Variants in COL23A1 observed in about 807,000 individuals in gnomAD.
COL23A1 encodes collagen type XXIII alpha 1 chain.
In COL23A1, 97 loss-of-function variants were observed where a neutral mutation model predicts 99.3. The ratio of observed to expected loss-of-function variants is 0.98; its 90% confidence interval spans 0.83 to 1.16. COL23A1 has a LOEUF of 1.16. COL23A1 is among the 50% of genes most tolerant of loss of function. The pLI, the probability that COL23A1 is intolerant of heterozygous loss-of-function variation, is 0.00. For missense variants in COL23A1, 762 were observed against 757.4 expected (o/e 1.01, Z -0.07); for synonymous variants, 320 against 308.2 (o/e 1.04, Z -0.40).
chr5:178,252,736 C>T, intron 16 of COL23A1, 139 bp from the exon 17 acceptor site: 1 of 680,776 alleles, frequency 1.5e-6, no homozygotes. Context: ...CTGCTTCTTC[C>T]CCAGTCAGGT....
chr5:178,245,863 C>T, intron 25 of COL23A1, 79 bp downstream of exon 25: 1 of 1,524,834 alleles, frequency 6.6e-7, no homozygotes, highest in Non-Finnish European at 9.1e-7. Context: ...ACTTGAGTAG[C>T]CAGATCAGGT....
intron 2 of COL23A1, among the ~76,000 whole-genome samples, chr5:178,528,716 A>T (rs745821364): frequency 2.0e-5 from 3 of 152,248 alleles, no homozygotes; most frequent in Non-Finnish European, 4.4e-5. Context: ...AGGTTGAGGC[A>T]GGAGAATTGC....
At chr5:178,425,950 C>T (rs754960342) in intron 2 of COL23A1, among the ~76,000 whole-genome samples, 46 of 152,208 alleles carry the variant, frequency 3.0e-4, no homozygotes, top group Non-Finnish European at 2.6e-4. Context: ...CCGGTGAACA[C>T]ACACCCAGAA....
intron 2 of COL23A1, among the ~76,000 whole-genome samples, chr5:178,369,949 C>T (rs1224829290): frequency 6.6e-6 from 1 of 152,164 alleles, no homozygotes; most frequent in Non-Finnish European, 1.5e-5. Context: ...AGGTTCCAGG[C>T]CCTTCTAGAT....
chr5:178,373,951 G>A (rs1762932617), intron 2 of COL23A1, among the ~76,000 whole-genome samples: 1 of 152,142 alleles, frequency 6.6e-6, no homozygotes, highest in Non-Finnish European at 1.5e-5. Flanking sequence ...AGGCACGAGT[G>A]GGGCCGGAGG....
chr5:178,520,562 T>C (rs1360744899), intron 2 of COL23A1, among the ~76,000 whole-genome samples: 2 of 152,162 alleles, frequency 1.3e-5, no homozygotes, highest in South Asian at 4.1e-4. Flanking sequence ...GCCCCATCCA[T>C]GATCAATGAG....
rs570588087 is a variant in COL23A1, at chr5:178,559,507, C to T, written c.361+1175G>A. ...CCAAAAGCCACCTTTCCCTGCACAT[C>T]GAGAAGTCTGAGACACATCACCCAA... On this transcript the variant is annotated intron_variant, in intron 2 of 28. Coordinates refer to ENST00000390654, the MANE Select transcript of COL23A1 (RefSeq NM_173465.4). Among the ~76,000 whole-genome samples, 22 of 147,674 alleles carry T rather than the reference C, an allele frequency of 1.5e-4. No individual in the cohort carries two copies. The South Asian group carries it at 4.9e-3, about 33-fold the overall frequency.
chr5:178,288,326 G>A lies in COL23A1; in HGVS notation c.439C>T (p.Pro147Ser). The change falls in exon 5 of 29, where the codon CCG becomes TCG. Residue 147 changes from proline (P) to serine (S), a missense_variant and splice_region_variant. By Grantham distance (74) the Pro-to-Ser change is moderately conservative. Transcript: ENST00000390654. ...CAAAAAAATAAATGACAAATTACCG[G>A]GTAGCCATCTCGTCCTGATTGCCCC... ...PPGQSGRDGYPGPLGLDGKPG... is the reference protein window; with the variant it reads ...PPGQSGRDGYSGPLGLDGKPG... The A allele has an allele frequency of 6.2e-7, 1 of 1,610,550 alleles. No individual in the cohort carries two copies. The highest frequency in any genetic ancestry group is 8.5e-7 in the Non-Finnish European group (1 of 1,176,598).
chr5:178,576,585 G>A (rs1371500922), intron 1 of COL23A1, among the ~76,000 whole-genome samples: 3 of 152,262 alleles, frequency 2.0e-5, no homozygotes, highest in Non-Finnish European at 1.5e-5. Context: ...CGCCCTCCAG[G>A]GTTCACCATG....
intron 2 of COL23A1, among the ~76,000 whole-genome samples, chr5:178,548,461 G>C (rs564898505): frequency 5.9e-5 from 9 of 151,834 alleles, no homozygotes; most frequent in African/African-American, 2.2e-4. Context: ...GGAGTCACCC[G>C]ATCTTCCCTC....
At chr5:178,342,833 GAAGT>G (rs1420897449) in intron 2 of COL23A1, among the ~76,000 whole-genome samples, 10 of 151,942 alleles carry the variant, frequency 6.6e-5, no homozygotes, top group Non-Finnish European at 1.2e-4. Context: ...ATTCCAAATA[GAAGT>G]AAGAGAAAAT....
intron 2 of COL23A1, among the ~76,000 whole-genome samples, chr5:178,374,421 G>A (rs1043622936): frequency 1.3e-5 from 2 of 152,182 alleles, no homozygotes; most frequent in African/African-American, 2.4e-5. Context: ...CACAGACACC[G>A]TGGACAGCAG....
At chr5:178,290,504 G>C in intron 3 of COL23A1, 135 bp from the exon 4 acceptor site, 2 of 1,174,376 alleles carry the variant, frequency 1.7e-6, no homozygotes, top group Non-Finnish European at 2.5e-6. Context: ...ATGCTGCCAT[G>C]GCTGTTTCCT....
At chr5:178,391,866 T>C (rs1763980196) in intron 2 of COL23A1, among the ~76,000 whole-genome samples, 2 of 149,236 alleles carry the variant, frequency 1.3e-5, no homozygotes, top group Admixed American at 6.8e-5. Flanking sequence ...AAATGTGGTA[T>C]ATTCATACAA....
At chr5:178,554,035 T>C (rs893700896) in intron 2 of COL23A1, among the ~76,000 whole-genome samples, 1 of 152,078 alleles carries the variant, frequency 6.6e-6, no homozygotes, top group Non-Finnish European at 1.5e-5. Flanking sequence ...ACTTCACAGG[T>C]GGAAAACCGA....
intron 2 of COL23A1, among the ~76,000 whole-genome samples, chr5:178,539,016 G>A (rs1160886026): frequency 1.3e-5 from 2 of 152,226 alleles, no homozygotes; most frequent in Non-Finnish European, 2.9e-5. Context: ...TGAGATGTCC[G>A]GAAAAGGCAA....
intron 2 of COL23A1, among the ~76,000 whole-genome samples, chr5:178,413,951 C>T (rs565090724): frequency 5.9e-5 from 9 of 152,178 alleles, no homozygotes; most frequent in Non-Finnish European, 8.8e-5. Flanking sequence ...GATCTGAGCC[C>T]AATCTGCTTG....
At chr5:178,276,800 T>C (rs1003509656) in intron 5 of COL23A1, among the ~76,000 whole-genome samples, 2 of 152,180 alleles carry the variant, frequency 1.3e-5, no homozygotes, top group Admixed American at 1.3e-4. Flanking sequence ...GCCTTGAGGG[T>C]GGCACAATGT....
chr5:178,337,669 C>T (rs113901352), intron 2 of COL23A1, among the ~76,000 whole-genome samples: 93 of 152,176 alleles, frequency 6.1e-4, no homozygotes, highest in African/African-American at 2.2e-3. Flanking sequence ...GGAGCCACTG[C>T]TCTCCCCGCC....
Sources: gnomAD v4.1 joint callset for allele counts (sites outside exome capture counted in the v4.1 genomes callset) on GRCh38, gnomAD v4.1.1 for gene constraint, MANE v1.5 for transcripts, NCBI Gene and HGNC (gene_info 2026-07-23, HGNC 2026-07-21) for gene names.